Variants in DDHD1 observed in about 807,000 individuals in gnomAD.
DDHD1 encodes the protein DDHD domain containing 1.
Under a neutral mutation model 96.4 loss-of-function variants are expected in DDHD1, and 49 were observed. The observed-to-expected ratio is 0.51, with a 90% CI of 0.40 to 0.64. The LOEUF (loss-of-function observed/expected upper bound fraction) is 0.64, where lower values mean the gene tolerates loss of function less well. DDHD1 is among the 30% of genes least tolerant of loss of function. The pLI is 0.00. For synonymous variants in DDHD1, 442 were observed against 446.5 expected, an observed-to-expected ratio of 0.99 and a Z score of 0.13; for missense variants, 1,106 against 1,161.2, an observed-to-expected ratio of 0.95 and a Z score of 0.69.
intron 1 of DDHD1, among the ~76,000 whole-genome samples, chr14:53,122,108 T>C (rs1889042137): frequency 6.6e-6 from 1 of 152,138 alleles, no homozygotes; most frequent in Non-Finnish European, 1.5e-5. Context: ...AAGAAGAAGG[T>C]GTTTCTCCTT....
At chr14:53,090,094 A>T (rs567949189) in intron 4 of DDHD1, among the ~76,000 whole-genome samples, 2 of 152,352 alleles carry the variant, frequency 1.3e-5, no homozygotes, top group South Asian at 4.1e-4. Context: ...AAAAGAAGAC[A>T]TTTATGCAGC....
chr14:53,107,370 A>C (rs1051750052), intron 1 of DDHD1, among the ~76,000 whole-genome samples: 5 of 152,194 alleles, frequency 3.3e-5, no homozygotes, highest in Admixed American at 3.3e-4. Flanking sequence ...CAGCTACTAA[A>C]TGACTAATGG....
intron 1 of DDHD1, among the ~76,000 whole-genome samples, chr14:53,127,656 C>T (rs554566230): frequency 6.6e-6 from 1 of 152,288 alleles, no homozygotes; most frequent in Non-Finnish European, 1.5e-5. Context: ...AACCTTATGC[C>T]ATGACAGCTG....
rs1165510638 is a variant in DDHD1 at position 53,043,668 on chromosome 14, T to A, written c.*3100A>T. 1 of 152,186 alleles carries A rather than the reference T, an allele frequency of 6.6e-6. No homozygotes were observed. The highest frequency in any genetic ancestry group is 1.5e-5 in the Non-Finnish European group (1 of 68,044). The allele number at this position is 152,186 out of a possible 1,614,324, so 9.4% of individuals were successfully genotyped here. On this transcript the variant is annotated 3_prime_UTR_variant, in exon 13 of 13. Coordinates refer to ENST00000673822, the MANE Select transcript of DDHD1 (RefSeq NM_001160148.2). ...GTTTTCAACTCTTGGGCTCAAGTAA[T>A]CTTCCCTGCTTGGCCTCCCAAAGTG...
intron 1 of DDHD1, among the ~76,000 whole-genome samples, chr14:53,141,258 A>T (rs944195572): frequency 3.3e-5 from 5 of 152,254 alleles, no homozygotes; most frequent in African/African-American, 1.2e-4. Flanking sequence ...TGCCAGAAGA[A>T]GGTTAACTCC....
chr14:53,097,818 T>G lies in DDHD1; in HGVS notation c.1013-4374A>C, dbSNP rs113339833. 4.8e-3 allele frequency among the ~76,000 whole-genome samples: 736 copies of G among 152,048 alleles called. 6 individuals are homozygous for G. Among genetic ancestry groups the G allele is most frequent in the African/African-American group, 0.017 (708 of 41,546 alleles). Reference sequence around the variant, plus strand: ...TTTCTTTTCTAAAAGAATAGTATAATTTAAGGATTAATAAAAAGACAAACA... The same window carrying G: ...TTTCTTTTCTAAAAGAATAGTATAAGTTAAGGATTAATAAAAAGACAAACA... On this transcript the variant is annotated intron_variant, in intron 2 of 12. Transcript: ENST00000673822.
At chr14:53,048,480 G>A (rs1181615436) in intron 12 of DDHD1, 3 of 151,782 alleles carry the variant, frequency 2.0e-5, no homozygotes, top group Non-Finnish European at 4.4e-5. Context: ...TGGGATTACA[G>A]GTGTCCACCA....
chr14:53,050,859 G>A (rs1439334772), intron 12 of DDHD1, among the ~76,000 whole-genome samples: 1 of 151,896 alleles, frequency 6.6e-6, no homozygotes, highest in African/African-American at 2.4e-5. Flanking sequence ...CTGGATATAT[G>A]GGCTACTTGG....
At chr14:53,128,862 GT>G (rs1889656077) in intron 1 of DDHD1, among the ~76,000 whole-genome samples, 1 of 152,150 alleles carries the variant, frequency 6.6e-6, no homozygotes, top group African/African-American at 2.4e-5. Flanking sequence ...ATTGTGATAT[GT>G]TCCTGCCCCA....
chr14:53,051,019 T>G (rs1882504601), intron 12 of DDHD1, among the ~76,000 whole-genome samples: 1 of 150,708 alleles, frequency 6.6e-6, no homozygotes, highest in Non-Finnish European at 1.5e-5. Context: ...GGGAATTCAC[T>G]GAGTTAGATC....
intron 2 of DDHD1, among the ~76,000 whole-genome samples, chr14:53,099,714 AT>A (rs1258846001): frequency 2.0e-5 from 3 of 152,178 alleles, no homozygotes; most frequent in Non-Finnish European, 4.4e-5. Context: ...CTTGATTTCT[AT>A]TTTTATGTTT....
Position 53,123,210 on chromosome 14 carries a change from G to A in DDHD1, c.839-19354C>T, listed in dbSNP as rs753147892. 3.3e-5 allele frequency among the ~76,000 whole-genome samples: 5 copies of A among 150,594 alleles called. 1 individual carries two copies. The South Asian group carries it at 6.3e-4, about 19-fold the overall frequency. ...CACCCAGGCTGGAGTGCAGTGGTGC[G>A]ATCTCAGCTCATTGCAACCTCCGCC... On this transcript the variant is annotated intron_variant, in intron 1 of 12. Coordinates refer to ENST00000673822, the MANE Select transcript of DDHD1 (RefSeq NM_001160148.2).
At chr14:53,065,706 AT>A (rs1883957734) in intron 6 of DDHD1, among the ~76,000 whole-genome samples, 1 of 152,164 alleles carries the variant, frequency 6.6e-6, no homozygotes, top group African/African-American at 2.4e-5. Flanking sequence ...CAATGATCTA[AT>A]TTAAACTGCT....
At chr14:53,061,450 T>G (rs1294971278) in intron 7 of DDHD1, 1 of 355,186 alleles carries the variant, frequency 2.8e-6, no homozygotes, top group East Asian at 5.0e-5. Context: ...TAGTAAAATG[T>G]GAGTCATATA....
rs370322081 is a variant in DDHD1 at position 53,091,862 on chromosome 14, C to A, written c.1212G>T (p.Gln404His). 1.9e-5 allele frequency: 31 copies of A among 1,613,652 alleles called. No individual in the cohort carries two copies. Among genetic ancestry groups the A allele is most frequent in the African/African-American group, 1.3e-4 (10 of 74,892 alleles). The change falls in exon 4 of 13, where the codon CAG (glutamine) becomes CAT (histidine). Residue 404 changes from glutamine (Q) to histidine (H), a missense_variant. Gln to His is a conservative substitution (Grantham distance 24). Transcript: ENST00000673822. The part of the protein sequence containing the change: ...EEATLEDKPS[Q>H]TTHIVFVVHG... ...GCACAACAAATACAATATGGGTAGT[C>A]TGTGATGGCTTGTCTTCTAATGTGG...
chr14:53,132,222 G>A (rs952478018), intron 1 of DDHD1, among the ~76,000 whole-genome samples: 4 of 152,110 alleles, frequency 2.6e-5, no homozygotes, highest in Admixed American at 6.5e-5. Context: ...TGTGTGGTCA[G>A]GATTCTTACA....
intron 1 of DDHD1, among the ~76,000 whole-genome samples, chr14:53,107,296 A>G (rs535723569): frequency 6.6e-6 from 1 of 152,352 alleles, no homozygotes; most frequent in Admixed American, 6.5e-5. Context: ...CCATTATTAA[A>G]TAAAATAAAG....
chr14:53,100,671 G>C (rs1286617993), intron 2 of DDHD1, among the ~76,000 whole-genome samples: 1 of 151,952 alleles, frequency 6.6e-6, no homozygotes, highest in Non-Finnish European at 1.5e-5. Context: ...AAACAGCCAA[G>C]GTCAGAAGAA....
intron 1 of DDHD1, among the ~76,000 whole-genome samples, chr14:53,147,380 G>C (rs1257838910): frequency 6.6e-6 from 1 of 152,084 alleles, no homozygotes; most frequent in African/African-American, 2.4e-5. Flanking sequence ...GGTTGACAGG[G>C]GTAAGAAAAC....
Sources: allele counts gnomAD v4.1 joint callset (sites outside exome capture counted in the v4.1 genomes callset), GRCh38; gene constraint gnomAD v4.1.1; transcripts MANE v1.5; gene names NCBI Gene and HGNC (gene_info 2026-07-23, HGNC 2026-07-21).